The following SNX19 variants were observed in gnomAD, a reference collection of about 807,000 sequenced individuals.
SNX19 encodes the protein sorting nexin-19.
SNX19 carries 60 observed loss-of-function variants against 85.2 expected under a neutral mutation model. The ratio of observed to expected loss-of-function variants is 0.70; its 90% confidence interval spans 0.57 to 0.87. SNX19 has a LOEUF of 0.87. Ranked by LOEUF, SNX19 falls within the 40% of genes least tolerant of loss-of-function variation. SNX19 has a pLI of 0.00. For synonymous variants in SNX19, 520 were observed against 470.0 expected, an observed-to-expected ratio of 1.11 and a Z score of -1.38; for missense variants, 1,201 against 1,217.8, an observed-to-expected ratio of 0.99 and a Z score of 0.21.
In SNX19 at chr11:130,902,555, A is replaced by C. The variant is rs184732876; in HGVS notation, c.2573+700T>G. Among the ~76,000 whole-genome samples, 10 of 152,352 alleles carry C rather than the reference A, an allele frequency of 6.6e-5. No individual in the cohort carries two copies. In the East Asian group the frequency reaches 1.9e-3, roughly 29 times the overall value. On this transcript the variant is annotated intron_variant, in intron 8 of 10. Coordinates refer to ENST00000265909, the MANE Select transcript of SNX19 (RefSeq NM_014758.3). ...GAGGGAGTTCAAAACAAGAGTAGCC[A>C]AAACCCAAGCACTACGTGTGTCTGC...
chr11:130,906,807 CACA>C (rs1282943147), intron 5 of SNX19, 86 bp from the exon 6 acceptor site: 5 of 928,298 alleles, frequency 5.4e-6, no homozygotes, highest in Non-Finnish European at 8.7e-6. Context: ...GATAATAAAA[CACA>C]ACAAGAATAT....
rs1943044980 is a variant in SNX19 at position 130,872,009 on chromosome 11, CGTTTT to C, written c.*6408_*6412del. Among the ~76,000 whole-genome samples the C allele has an allele frequency of 6.6e-6, 1 of 152,130 alleles. No individual in the cohort carries two copies. ...TTTGGATCTTGATTACTGTTACCTTCGTTTTGTTTTTTTAATTCTCCCCTCCTAAG... is the reference window on the plus strand; with the variant it reads ...TTTGGATCTTGATTACTGTTACCTTCGTTTTTTTAATTCTCCCCTCCTAAG... On this transcript the variant is annotated 3_prime_UTR_variant, in exon 11 of 11. Coordinates refer to ENST00000265909, the MANE Select transcript of SNX19 (RefSeq NM_014758.3).
rs142370815 is a variant in SNX19, at chr11:130,914,367, C to T, written c.1573G>A (p.Asp525Asn). 20 of 1,613,692 alleles carry T rather than the reference C, an allele frequency of 1.2e-5. No homozygotes were observed. In the African/African-American group the frequency reaches 1.6e-4, roughly 13 times the overall value. Residue 525 changes from aspartate (D) to asparagine (N), a missense_variant, in exon 1 of 11, where the codon GAT (aspartate) becomes AAT (asparagine). This residue lies in a region of SNX19 where 791 missense variants were observed against 750.9 expected (regional missense o/e 1.05). Transcript: ENST00000265909. ...AGGTTCTGGATGATAACTGGACCAT[C>T]GGGACTGCTTAGGGGCTCAAAGCTG... ...TFSFEPLSSP[D>N]GPVIIQNLRI... is the part of the protein sequence containing the mutation.
Position 130,874,179 on chromosome 11 carries a change from T to C in SNX19, c.*4243A>G, listed in dbSNP as rs1360132197. Among the ~76,000 whole-genome samples, 1 of 152,098 alleles carries C rather than the reference T, an allele frequency of 6.6e-6. No homozygotes were observed. Among genetic ancestry groups the C allele is most frequent in the Non-Finnish European group, 1.5e-5 (1 of 67,992 alleles). On this transcript the variant is annotated 3_prime_UTR_variant, in exon 11 of 11. Coordinates refer to ENST00000265909, the MANE Select transcript of SNX19 (RefSeq NM_014758.3). ...GTGGAACCACAGGCGAGAGCCACCA[T>C]GCCCCGCTCATTTTTTATATTTTTT...
At chr11:130,885,272 G>A (rs1336759328) in intron 8 of SNX19, among the ~76,000 whole-genome samples, 2 of 152,168 alleles carry the variant, frequency 1.3e-5, no homozygotes, top group African/African-American at 4.8e-5. Context: ...GAAAGGATGT[G>A]GAGATCAGGG....
At chr11:130,893,777 T>G (rs1164121525) in intron 8 of SNX19, 2 of 702,038 alleles carry the variant, frequency 2.8e-6, no homozygotes, top group African/African-American at 1.7e-5. Flanking sequence ...GATGCTGCAT[T>G]TGCACACCAG....
Position 130,894,823 on chromosome 11 carries a change from AC to A in SNX19, c.2573+8431del, listed in dbSNP as rs1327166046. Reference sequence around the variant, plus strand: ...TTTAGCCTAAACCAGTCTAAATGACACCTATCTCACAAGATCTAGCTGTTAT... The same window carrying A: ...TTTAGCCTAAACCAGTCTAAATGACACTATCTCACAAGATCTAGCTGTTAT... On this transcript the variant is annotated intron_variant, in intron 8 of 10. Coordinates refer to ENST00000265909, the MANE Select transcript of SNX19 (RefSeq NM_014758.3). The A allele has an allele frequency of 3.9e-5, 38 of 985,474 alleles. No individual in the cohort carries two copies. In the African/African-American group the frequency reaches 6.3e-4, roughly 16 times the overall value. The allele number at this position is 985,474 out of a possible 1,614,324, so 61.0% of individuals were successfully genotyped here.
chr11:130,893,650 GA>G (rs1944662253), intron 8 of SNX19: 1 of 612,630 alleles, frequency 1.6e-6, no homozygotes, highest in Admixed American at 2.8e-5. Flanking sequence ...CACAGAATAG[GA>G]ACTTTGGGAG....
chr11:130,910,473 C>T, intron 2 of SNX19, 103 bp from the exon 3 acceptor site: 1 of 868,132 alleles, frequency 1.2e-6, no homozygotes, highest in Non-Finnish European at 1.7e-6. Context: ...AATATATTTC[C>T]TTGGATTAAA....
At chr11:130,907,012 A>G (rs1172280582) in intron 5 of SNX19, among the ~76,000 whole-genome samples, 1 of 152,230 alleles carries the variant, frequency 6.6e-6, no homozygotes, top group Non-Finnish European at 1.5e-5. Flanking sequence ...TTATGGTTAT[A>G]TTCCCACAGG....
rs568768947 is a variant in SNX19, at chr11:130,913,662, C to T, written c.1674+604G>A. ...ATTTTCTTTCTCAACTTCTTCCCTG[C>T]TGATTTCTTTTTCAAAATACTGGTA... is the stretch of plus-strand genomic sequence containing the variant. On this transcript the variant is annotated intron_variant, in intron 1 of 10. Transcript: ENST00000265909. Among the ~76,000 whole-genome samples the T allele has an allele frequency of 1.2e-4, 18 of 152,284 alleles. No individual in the cohort carries two copies. The South Asian group carries it at 3.7e-3, about 32-fold the overall frequency.
chr11:130,910,160 C>T (rs747091630), intron 3 of SNX19, 23 bp from the exon 4 acceptor site: 1 of 1,614,072 alleles, frequency 6.2e-7, no homozygotes, highest in South Asian at 1.1e-5. Context: ...AACACACACA[C>T]ATTTTAAAGA....
At position 130,866,258 on chromosome 11, in the gene SNX19, T is replaced by A. The variant is rs1051646361; in HGVS notation, c.*12164A>T. On this transcript the variant is annotated 3_prime_UTR_variant, in exon 11 of 11. Transcript: ENST00000265909. ...CAATTTAGGAATCAAGAAACATTTG[T>A]GTATCTATTTACTAAGCATTTTTTA... 1.1e-4 allele frequency: 17 copies of A among 152,234 alleles called. No homozygotes were observed. The highest frequency in any genetic ancestry group is 3.9e-4 in the African/African-American group (16 of 41,450). 9.4% of individuals were successfully genotyped at this position (152,234 alleles called of 1,614,324 possible).
Position 130,880,922 on chromosome 11 carries a change from A to G in SNX19, c.2574-116T>C, listed in dbSNP as rs1943624798. On this transcript the variant is annotated intron_variant, in intron 8 of 10. Coordinates refer to ENST00000265909, the MANE Select transcript of SNX19 (RefSeq NM_014758.3). The stretch of plus-strand genomic sequence containing the variant: ...TCGTGTGTCAAAATCCTAACCCTCA[A>G]GGTGATGGCAGTAGGAGGTGGGGCC... The G allele has an allele frequency of 3.6e-6, 3 of 823,598 alleles. No homozygotes were observed. In the East Asian group the frequency reaches 7.8e-5, roughly 21 times the overall value. The allele number at this position is 823,598 out of a possible 1,614,324, so 51.0% of individuals were successfully genotyped here.
intron 8 of SNX19, among the ~76,000 whole-genome samples, chr11:130,884,690 A>C (rs1393667536): frequency 1.3e-5 from 2 of 151,972 alleles, no homozygotes; most frequent in Admixed American, 6.6e-5. Context: ...AACATGGTGA[A>C]GCCTCGTCTC....
In SNX19 at chr11:130,910,089, A is replaced by G. The variant is rs1289761300; in HGVS notation, c.1963T>C (p.Phe655Leu). The change falls in exon 4 of 11, where the codon TTC becomes CTC. Residue 655 changes from phenylalanine to leucine, a missense_variant. Phe to Leu is a conservative substitution (Grantham distance 22). Coordinates refer to ENST00000265909, the MANE Select transcript of SNX19 (RefSeq NM_014758.3). Reference protein sequence around the residue: ...EIANSEEVQEFLALNTDARIA... With the variant: ...EIANSEEVQELLALNTDARIA... ...CGAGCATCTGTGTTCAGAGCAAGGA[A>G]CTCCTGCACCTCCTCACTGTTAGCG... 1 of 1,614,052 alleles carries G rather than the reference A, an allele frequency of 6.2e-7. No homozygotes were observed. The highest frequency in any genetic ancestry group is 8.5e-7 in the Non-Finnish European group (1 of 1,180,040).
intron 8 of SNX19, among the ~76,000 whole-genome samples, chr11:130,889,228 C>T (rs115505369): frequency 0.018 from 2,725 of 151,796 alleles, 63 homozygotes; most frequent in African/African-American, 0.054. Context: ...AGTATGTGTC[C>T]CCTCTTTCTG....
At chr11:130,910,211 T>A (rs575157043) in intron 3 of SNX19, 59 bp downstream of exon 3, 6 of 1,613,000 alleles carry the variant, frequency 3.7e-6, no homozygotes, top group Non-Finnish European at 3.4e-6. Flanking sequence ...GGCTTGGGTG[T>A]TCTGGGGTTA....
intron 7 of SNX19, among the ~76,000 whole-genome samples, chr11:130,904,540 G>A (rs1945506099): frequency 1.3e-5 from 2 of 152,170 alleles, no homozygotes; most frequent in South Asian, 2.1e-4. Flanking sequence ...TTGGGAGACA[G>A]CATCATCCTG....
Sources: gnomAD v4.1 joint callset for allele counts (sites outside exome capture counted in the v4.1 genomes callset) on GRCh38, gnomAD v4.1.1 for gene constraint, gnomAD v4.1.1 regional missense constraint, MANE v1.5 for transcripts, NCBI Gene and HGNC (gene_info 2026-07-23, HGNC 2026-07-21) for gene names.